AGMO: variants seen among roughly 807,000 people sequenced by gnomAD.
AGMO encodes glyceryl-ether monooxygenase.
Under a neutral mutation model 60.2 loss-of-function variants are expected in AGMO, and 75 were observed. That is an observed-to-expected ratio of 1.25 (90% CI 1.03 to 1.51). The LOEUF (loss-of-function observed/expected upper bound fraction) is 1.51, where lower values mean the gene tolerates loss of function less well. AGMO is among the 40% of genes most tolerant of loss of function. The pLI is 0.00. For synonymous variants in AGMO, 261 were observed against 177.1 expected (o/e 1.47, Z -3.76); for missense variants, 763 against 525.5 (o/e 1.45, Z -4.42).
chr7:15,485,764 C>T (rs1782905094), intron 3 of AGMO, among the ~76,000 whole-genome samples: 1 of 151,788 alleles, frequency 6.6e-6, no homozygotes, highest in South Asian at 2.1e-4. Flanking sequence ...ACTCCTTCTC[C>T]CTGCTCTTAA....
At chr7:15,375,119 T>A (rs1783394374) in intron 10 of AGMO, among the ~76,000 whole-genome samples, 1 of 152,008 alleles carries the variant, frequency 6.6e-6, no homozygotes, top group Admixed American at 6.6e-5. Context: ...AAAAGAAAGA[T>A]CCTACAACAG....
chr7:15,322,024 A>G (rs1455889935), intron 12 of AGMO, among the ~76,000 whole-genome samples: 1 of 152,004 alleles, frequency 6.6e-6, no homozygotes, highest in Non-Finnish European at 1.5e-5. Context: ...TTAAGATGCC[A>G]GCTAAGAATG....
chr7:15,431,936 CAA>C (rs1337645925), intron 3 of AGMO, among the ~76,000 whole-genome samples: 1 of 151,674 alleles, frequency 6.6e-6, no homozygotes, highest in East Asian at 1.9e-4. Context: ...CAGAATAGCC[CAA>C]GTCATTTTTT....
intron 3 of AGMO, among the ~76,000 whole-genome samples, chr7:15,472,108 G>A (rs1782463619): frequency 6.6e-6 from 1 of 151,796 alleles, no homozygotes; most frequent in Non-Finnish European, 1.5e-5. Flanking sequence ...TCATCTCATG[G>A]TAGACATTAA....
At chr7:15,264,202 G>C (rs1416545203) in intron 12 of AGMO, among the ~76,000 whole-genome samples, 2 of 151,768 alleles carry the variant, frequency 1.3e-5, no homozygotes, top group Non-Finnish European at 2.9e-5. Flanking sequence ...CCTTTTAAAA[G>C]ACTGGTAATT....
At chr7:15,341,662 T>A (rs1781852071) in intron 12 of AGMO, among the ~76,000 whole-genome samples, 1 of 152,148 alleles carries the variant, frequency 6.6e-6, no homozygotes, top group Admixed American at 6.5e-5. Context: ...AGTACCAATT[T>A]ACTATATTAG....
At chr7:15,229,702 T>TACA (rs1782196523) in intron 12 of AGMO, among the ~76,000 whole-genome samples, 2 of 138,962 alleles carry the variant, frequency 1.4e-5, no homozygotes, top group East Asian at 3.9e-4. Context: ...AACTAATTAT[T>TACA]TATATATATA....
At chr7:15,458,130 C>G (rs1452861871) in intron 3 of AGMO, among the ~76,000 whole-genome samples, 1 of 152,156 alleles carries the variant, frequency 6.6e-6, no homozygotes, top group Non-Finnish European at 1.5e-5. Context: ...AGCACCATCT[C>G]TCCTTCAGTG....
chr7:15,237,846 T>G (rs932267102), intron 12 of AGMO, among the ~76,000 whole-genome samples: 1 of 152,208 alleles, frequency 6.6e-6, no homozygotes, highest in East Asian at 1.9e-4. Context: ...TGTAAATTAT[T>G]TCTCTGCCCC....
At chr7:15,404,261 A>G (rs997903544) in intron 5 of AGMO, among the ~76,000 whole-genome samples, 1 of 151,916 alleles carries the variant, frequency 6.6e-6, no homozygotes, top group African/African-American at 2.4e-5. Flanking sequence ...TGCGTTTATA[A>G]TAAATTATCT....
At chr7:15,503,444 A>T (rs2128526217) in intron 3 of AGMO, among the ~76,000 whole-genome samples, 1 of 152,222 alleles carries the variant, frequency 6.6e-6, no homozygotes, top group South Asian at 2.1e-4. Flanking sequence ...AAATAGGCTT[A>T]GGACATTAAT....
the AGMO span, among the ~76,000 whole-genome samples, chr7:15,141,639 G>C: frequency 6.6e-6 from 1 of 151,976 alleles, no homozygotes. Flanking sequence ...GCAAGACCTA[G>C]TTTAGTTTTA....
intron 12 of AGMO, among the ~76,000 whole-genome samples, chr7:15,347,697 T>C (rs145807272): frequency 6.6e-6 from 1 of 152,094 alleles, no homozygotes; most frequent in East Asian, 1.9e-4. Context: ...ATCTCCTGAT[T>C]AAAAAATGTT....
At chr7:15,124,370 A>G in the AGMO span, among the ~76,000 whole-genome samples, 1 of 151,608 alleles carries the variant, frequency 6.6e-6, no homozygotes, top group African/African-American at 2.4e-5. Context: ...TTCCATAGTC[A>G]GTTTGGATTG....
intron 3 of AGMO, among the ~76,000 whole-genome samples, chr7:15,445,571 T>C (rs1781679320): frequency 6.6e-6 from 1 of 152,168 alleles, no homozygotes; most frequent in Admixed American, 6.5e-5. Flanking sequence ...AAATTAATCC[T>C]TAATTGAAGA....
intron 12 of AGMO, among the ~76,000 whole-genome samples, chr7:15,232,878 G>A (rs1782300067): frequency 6.6e-6 from 1 of 151,648 alleles, no homozygotes. Flanking sequence ...AAAGTAGATA[G>A]TCCTAGCAAC....
chr7:15,551,120 C>T (rs1194197843), intron 2 of AGMO, among the ~76,000 whole-genome samples: 3 of 152,136 alleles, frequency 2.0e-5, no homozygotes, highest in South Asian at 2.1e-4. Flanking sequence ...TTCAACAATC[C>T]TTCATGCTAA....
chr7:15,223,951 G>T (rs1184390415), intron 12 of AGMO, among the ~76,000 whole-genome samples: 3 of 151,960 alleles, frequency 2.0e-5, no homozygotes, highest in Non-Finnish European at 4.4e-5. Context: ...AACAAACTTG[G>T]CTGGAGGCTA....
At position 15,379,748 on chromosome 7, in the gene AGMO, T is replaced by G. The variant is rs1228600166; in HGVS notation, c.1074+5698A>C. ...GGCCAATATCCTTGACTGACAGTAA[T>G]GCAAAAATTCTCAATAAAATACTGG... On this transcript the variant is annotated intron_variant, in intron 10 of 12. Coordinates refer to ENST00000342526, the MANE Select transcript of AGMO (RefSeq NM_001004320.2). Among the ~76,000 whole-genome samples the G allele has an allele frequency of 2.6e-5, 4 of 152,034 alleles. No individual in the cohort carries two copies. The East Asian group carries it at 7.7e-4, about 29-fold the overall frequency.
Sources: allele counts gnomAD v4.1 joint callset (sites outside exome capture counted in the v4.1 genomes callset), GRCh38; gene constraint gnomAD v4.1.1; transcripts MANE v1.5; gene names NCBI Gene and HGNC (gene_info 2026-07-23, HGNC 2026-07-21).